Variants in TNIK observed in about 807,000 individuals in gnomAD.
The protein encoded by TNIK is TRAF2 and NCK-interacting protein kinase.
Under a neutral mutation model 191.3 loss-of-function variants are expected in TNIK, and 49 were observed. The ratio of observed to expected loss-of-function variants is 0.26; its 90% CI spans 0.20 to 0.32. The LOEUF is 0.32. Among genes scored for constraint, TNIK ranks in the 10% least tolerant of loss-of-function variants. The pLI is 1.00. For synonymous variants in TNIK, 594 were observed against 600.9 expected, an observed-to-expected ratio of 0.99 and a Z score of 0.17; for missense variants, 1,155 against 1,702.3, an observed-to-expected ratio of 0.68 and a Z score of 5.66.
intron 5 of TNIK, among the ~76,000 whole-genome samples, chr3:171,191,288 C>T (rs530940573): frequency 4.2e-4 from 64 of 152,310 alleles, no homozygotes; most frequent in African/African-American, 1.3e-3. Context: ...TACTCTGTCG[C>T]CCAGGCTGGA....
intron 2 of TNIK, among the ~76,000 whole-genome samples, chr3:171,320,073 C>A (rs60195027): frequency 0.047 from 7,169 of 152,180 alleles, 532 homozygotes; most frequent in African/African-American, 0.16. Context: ...TAACCCATTT[C>A]TGGAGAAAGT....
intron 11 of TNIK, 63 bp from the exon 12 acceptor site, chr3:171,157,727 C>A: frequency 6.6e-7 from 1 of 1,507,636 alleles, no homozygotes; most frequent in Non-Finnish European, 9.0e-7. Flanking sequence ...ACCAAGAGGC[C>A]TTGGAGGAGG....
chr3:171,283,869 C>A (rs993886212), intron 2 of TNIK, among the ~76,000 whole-genome samples: 6 of 152,204 alleles, frequency 3.9e-5, no homozygotes, highest in African/African-American at 1.4e-4. Context: ...TACTGTCTCT[C>A]AGCCATCTTC....
chr3:171,106,793 A>T (rs772915280), intron 21 of TNIK: 1 of 533,472 alleles, frequency 1.9e-6, no homozygotes, highest in Admixed American at 1.9e-5. Flanking sequence ...ACACACTCTA[A>T]ATTTGGAGTG....
intron 12 of TNIK, among the ~76,000 whole-genome samples, chr3:171,154,002 A>G (rs75562224): frequency 0.027 from 4,067 of 152,292 alleles, 183 homozygotes; most frequent in African/African-American, 0.09. Flanking sequence ...CATGGTGCCC[A>G]CACAACAGAG....
rs574768417 is a variant in TNIK at position 171,300,075 on chromosome 3, T to C, written c.123+69545A>G. Among the ~76,000 whole-genome samples the C allele has an allele frequency of 3.1e-4, 47 of 152,306 alleles. 1 individual carries two copies. Among genetic ancestry groups the C allele is most frequent in the Non-Finnish European group, 6.0e-4 (41 of 68,024 alleles). On this transcript the variant is annotated intron_variant, in intron 2 of 32. Transcript: ENST00000436636. ...CATCAGGAATTGTGTGAGAAAGAAGTCTCACAAAGATAAATGGAGTTCCAT... is the reference window on the plus strand; with the variant it reads ...CATCAGGAATTGTGTGAGAAAGAAGCCTCACAAAGATAAATGGAGTTCCAT...
At position 171,401,089 on chromosome 3, in the gene TNIK, T is replaced by A. The variant is rs575450750; in HGVS notation, c.58-31404A>T. 3.3e-5 allele frequency among the ~76,000 whole-genome samples: 5 copies of A among 152,172 alleles called. 1 individual carries two copies. Among genetic ancestry groups the A allele is most frequent in the African/African-American group, 1.2e-4 (5 of 41,512 alleles). Reference sequence around the variant, plus strand: ...AATGAAAACTGAGGAGAGACAGGAATAATGAGAGCAGATCTAGTCCTGAAG... The same window carrying A: ...AATGAAAACTGAGGAGAGACAGGAAAAATGAGAGCAGATCTAGTCCTGAAG... On this transcript the variant is annotated intron_variant, in intron 1 of 32. Coordinates refer to ENST00000436636, the MANE Select transcript of TNIK (RefSeq NM_015028.4).
intron 30 of TNIK, among the ~76,000 whole-genome samples, chr3:171,067,485 A>G (rs1222150038): frequency 6.6e-6 from 1 of 152,024 alleles, no homozygotes; most frequent in Non-Finnish European, 1.5e-5. Context: ...CCTGGCTAAC[A>G]CGATGAAACC....
At chr3:171,082,644 G>A (rs966614840) in intron 26 of TNIK, 16 of 409,896 alleles carry the variant, frequency 3.9e-5, no homozygotes, top group South Asian at 4.8e-5. Flanking sequence ...ACCTAATGCA[G>A]AGAGTCCTTG....
intron 9 of TNIK, among the ~76,000 whole-genome samples, chr3:171,171,314 T>C (rs1735252420): frequency 6.6e-6 from 1 of 152,168 alleles, no homozygotes; most frequent in Non-Finnish European, 1.5e-5. Flanking sequence ...ACACGAACTT[T>C]GTCCTATCTC....
intron 3 of TNIK, among the ~76,000 whole-genome samples, chr3:171,214,063 C>T (rs1329884923): frequency 6.6e-6 from 1 of 151,966 alleles, no homozygotes; most frequent in East Asian, 1.9e-4. Context: ...CACTGTAAGA[C>T]ATGGTTAGGT....
intron 12 of TNIK, among the ~76,000 whole-genome samples, chr3:171,151,530 C>T (rs1313095222): frequency 6.6e-6 from 1 of 152,176 alleles, no homozygotes; most frequent in Non-Finnish European, 1.5e-5. Flanking sequence ...TATGAATTAA[C>T]TCATTTAATT....
At chr3:171,171,513 T>G (rs753468078) in intron 9 of TNIK, among the ~76,000 whole-genome samples, 3 of 152,346 alleles carry the variant, frequency 2.0e-5, no homozygotes, top group East Asian at 3.9e-4. Flanking sequence ...ATGAGTGGCT[T>G]GGACCAGTGG....
intron 4 of TNIK, among the ~76,000 whole-genome samples, chr3:171,206,959 T>A (rs1258787509): frequency 1.3e-5 from 2 of 152,170 alleles, no homozygotes; most frequent in African/African-American, 4.8e-5. Flanking sequence ...TAGGTGTGGC[T>A]CATCTAGAAA....
intron 2 of TNIK, among the ~76,000 whole-genome samples, chr3:171,267,684 G>A (rs1359898469): frequency 6.6e-6 from 1 of 152,146 alleles, no homozygotes; most frequent in Non-Finnish European, 1.5e-5. Context: ...ATGAGCAAAG[G>A]ACTGGCAATT....
intron 2 of TNIK, among the ~76,000 whole-genome samples, chr3:171,265,489 T>G (rs141948983): frequency 7.2e-5 from 11 of 152,320 alleles, no homozygotes; most frequent in African/African-American, 2.6e-4. Context: ...ATGAACTGAG[T>G]GGTCTCAGAC....
chr3:171,199,771 C>T (rs1739182721), intron 4 of TNIK, among the ~76,000 whole-genome samples: 2 of 152,244 alleles, frequency 1.3e-5, no homozygotes, highest in African/African-American at 4.8e-5. Flanking sequence ...ATCAACCTTA[C>T]AGGTTTGATG....
intron 2 of TNIK, among the ~76,000 whole-genome samples, chr3:171,245,540 G>A (rs1270191023): frequency 2.6e-5 from 4 of 151,102 alleles, no homozygotes; most frequent in Non-Finnish European, 4.4e-5. Context: ...GGAAGGTTGG[G>A]ACATCTTTTT....
intron 15 of TNIK, among the ~76,000 whole-genome samples, chr3:171,133,787 AG>A (rs1360037972): frequency 3.3e-5 from 5 of 152,222 alleles, no homozygotes; most frequent in Non-Finnish European, 7.3e-5. Flanking sequence ...TTAGGTATAG[AG>A]CAGAGAAATC....
Sources: allele counts gnomAD v4.1 joint callset (sites outside exome capture counted in the v4.1 genomes callset), GRCh38; gene constraint gnomAD v4.1.1; transcripts MANE v1.5; gene names NCBI Gene and HGNC (gene_info 2026-07-23, HGNC 2026-07-21).